The following GLI3 variants were observed in gnomAD, a reference collection of about 807,000 sequenced individuals.
GLI3 encodes the protein GLI family zinc finger 3, also known as transcription activator GLI3.
A neutral mutation model predicts 100.8 loss-of-function variants in GLI3; 20 were observed. The observed-to-expected ratio is 0.20, with a 90% CI of 0.14 to 0.29. The LOEUF (loss-of-function observed/expected upper bound fraction) is 0.29. GLI3 is among the 10% of genes least tolerant of loss of function. GLI3 has a pLI of 1.00. For missense variants in GLI3, 2,040 were observed against 2,128.5 expected (o/e 0.96, Z 0.82); for synonymous variants, 938 against 860.5 (o/e 1.09, Z -1.58).
chr7:42,079,720 T>C (rs1784959804), intron 3 of GLI3, among the ~76,000 whole-genome samples: 1 of 152,228 alleles, frequency 6.6e-6, no homozygotes, highest in Non-Finnish European at 1.5e-5. Context: ...TATTTTCACT[T>C]CTTTATTTCA....
intron 4 of GLI3, among the ~76,000 whole-genome samples, chr7:42,066,369 A>C (rs1371267793): frequency 6.6e-6 from 1 of 152,056 alleles, no homozygotes; most frequent in Non-Finnish European, 1.5e-5. Flanking sequence ...CCAACTTCCA[A>C]CTCAACTCCC....
In GLI3 at chr7:42,220,095, G is replaced by A. The variant is rs140072391; in HGVS notation, c.124+3035C>T. Among the ~76,000 whole-genome samples, 1,018 of 152,084 alleles carry A rather than the reference G, an allele frequency of 6.7e-3. 9 individuals are homozygous for A. Among genetic ancestry groups the A allele is most frequent in the African/African-American group, 0.023 (952 of 41,492 alleles). ...TCTCGATCTCCTGACCTGGTGATCC[G>A]CCCGCCTCGGCCTGCCAAAGTGCTG... On this transcript the variant is annotated intron_variant, in intron 2 of 14. Coordinates refer to ENST00000395925, the MANE Select transcript of GLI3 (RefSeq NM_000168.6).
intron 2 of GLI3, among the ~76,000 whole-genome samples, chr7:42,178,623 G>A (rs1399904430): frequency 1.3e-5 from 2 of 152,176 alleles, no homozygotes; most frequent in Non-Finnish European, 2.9e-5. Flanking sequence ...AGCTCCTACT[G>A]TGTACTGGGG....
chr7:42,096,441 A>C lies in GLI3; in HGVS notation c.368-19584T>G, dbSNP rs182243403. Among the ~76,000 whole-genome samples, 91 of 152,348 alleles carry C rather than the reference A, an allele frequency of 6.0e-4. 1 individual carries two copies. The East Asian group carries it at 0.017, about 29-fold the overall frequency. On this transcript the variant is annotated intron_variant, in intron 3 of 14. Transcript: ENST00000395925. The stretch of plus-strand genomic sequence containing the variant: ...TGATCTGGTCCCACCCCTAAACAGC[A>C]GGCTCACGGGAGAAACTTCAAACTT...
chr7:42,044,282 G>A lies in GLI3; in HGVS notation c.826+1102C>T, dbSNP rs111468724. On this transcript the variant is annotated intron_variant, in intron 6 of 14. Coordinates refer to ENST00000395925, the MANE Select transcript of GLI3 (RefSeq NM_000168.6). The stretch of plus-strand genomic sequence containing the variant: ...ACGCTAAGCAAAGGCCCTACTCAAA[G>A]TCATACTGTTGTCCTATTCAAAGGT... 6.2e-4 allele frequency among the ~76,000 whole-genome samples: 95 copies of A among 152,330 alleles called. 1 individual carries two copies. Among genetic ancestry groups the A allele is most frequent in the African/African-American group, 2.1e-3 (88 of 41,582 alleles).
chr7:42,214,128 G>A (rs1191179706), intron 2 of GLI3, among the ~76,000 whole-genome samples: 1 of 152,204 alleles, frequency 6.6e-6, no homozygotes, highest in African/African-American at 2.4e-5. Context: ...CAAGTAGTGA[G>A]GCTTTTCTCT....
intron 3 of GLI3, among the ~76,000 whole-genome samples, chr7:42,082,010 C>G (rs1315437770): frequency 2.0e-5 from 3 of 151,950 alleles, no homozygotes; most frequent in South Asian, 4.1e-4. Context: ...TAGAGTTAGT[C>G]CAGCCTGTAG....
chr7:42,116,453 A>G (rs1191319068), intron 3 of GLI3, among the ~76,000 whole-genome samples: 1 of 151,638 alleles, frequency 6.6e-6, no homozygotes, highest in Non-Finnish European at 1.5e-5. Context: ...ATTAATACCC[A>G]GAGGATCAGG....
chr7:42,179,620 G>T (rs1787550919), intron 2 of GLI3, among the ~76,000 whole-genome samples: 1 of 152,178 alleles, frequency 6.6e-6, no homozygotes, highest in Non-Finnish European at 1.5e-5. Flanking sequence ...TGAGCAGGGG[G>T]CAGATTCTGG....
intron 10 of GLI3, among the ~76,000 whole-genome samples, chr7:42,002,625 TA>T (rs1788336971): frequency 1.3e-5 from 2 of 152,226 alleles, no homozygotes; most frequent in Non-Finnish European, 2.9e-5. Context: ...ATATCATATA[TA>T]TCACATCATG....
rs759102268 is a variant in GLI3, at chr7:41,972,929, C to T, written c.1813-302G>A. 1.6e-4 allele frequency among the ~76,000 whole-genome samples: 25 copies of T among 152,184 alleles called. No individual in the cohort carries two copies. Among genetic ancestry groups the T allele is most frequent in the Middle Eastern group, 3.4e-3 (1 of 294 alleles). On this transcript the variant is annotated intron_variant, in intron 12 of 14. Coordinates refer to ENST00000395925, the MANE Select transcript of GLI3 (RefSeq NM_000168.6). The surrounding 1 kb of genome is among the most constrained non-coding windows in gnomAD (Gnocchi z 4.4). ...TTTACACTGTGAGTGAGAAGTATCA[C>T]GGTGCCATAATAGGCACTCAATAGA... is the stretch of plus-strand genomic sequence containing the variant.
At chr7:42,163,878 T>TA (rs1209452372) in intron 2 of GLI3, among the ~76,000 whole-genome samples, 1 of 152,216 alleles carries the variant, frequency 6.6e-6, no homozygotes, top group Non-Finnish European at 1.5e-5. Flanking sequence ...TTGGCCAATT[T>TA]AATGGCTTCC....
intron 3 of GLI3, among the ~76,000 whole-genome samples, chr7:42,078,271 T>C (rs1784922464): frequency 6.6e-6 from 1 of 152,268 alleles, no homozygotes; most frequent in Non-Finnish European, 1.5e-5. Context: ...TTTTCCAAAT[T>C]TTCTTCAACA....
At chr7:42,132,131 C>T (rs981773490) in intron 3 of GLI3, among the ~76,000 whole-genome samples, 27 of 151,540 alleles carry the variant, frequency 1.8e-4, no homozygotes, top group East Asian at 7.8e-4. Flanking sequence ...GATGGAGGCT[C>T]GCTCTGTCGC....
chr7:42,091,263 AAGCTGCTAAC>A (rs1322501411), intron 3 of GLI3, among the ~76,000 whole-genome samples: 1 of 152,222 alleles, frequency 6.6e-6, no homozygotes, highest in East Asian at 1.9e-4. Context: ...CAAAAGCTAA[AAGCTGCTAAC>A]AGACATTGTC....
chr7:42,145,279 G>C (rs780701456), intron 3 of GLI3: 5 of 297,348 alleles, frequency 1.7e-5, no homozygotes, highest in Non-Finnish European at 2.4e-5. Flanking sequence ...CTTAGTTTAG[G>C]ATGTCTTTAA....
Position 41,972,117 on chromosome 7 carries a change from G to A in GLI3, c.2103+220C>T, listed in dbSNP as rs1227264386. On this transcript the variant is annotated intron_variant, in intron 13 of 14. Transcript: ENST00000395925. This position sits in a 1 kb window ranked among gnomAD's most constrained non-coding sequence, Gnocchi z 4.4. Reference sequence around the variant, plus strand: ...TCTTCCTTCCATGGCACAGTGGTATGGTTCTGGGAGGGATTTTAAAAATCA... The same window carrying A: ...TCTTCCTTCCATGGCACAGTGGTATAGTTCTGGGAGGGATTTTAAAAATCA... 6.6e-6 allele frequency among the ~76,000 whole-genome samples: 1 copy of A among 152,170 alleles called. No individual in the cohort carries two copies. The highest frequency in any genetic ancestry group is 2.4e-5 in the African/African-American group (1 of 41,448).
At chr7:42,079,025 G>C (rs560644791) in intron 3 of GLI3, among the ~76,000 whole-genome samples, 1 of 152,038 alleles carries the variant, frequency 6.6e-6, no homozygotes, top group African/African-American at 2.4e-5. Flanking sequence ...CACCGCGCCC[G>C]GCCTCATTTA....
chr7:42,055,038 T>C (rs1185388821), intron 4 of GLI3, among the ~76,000 whole-genome samples: 1 of 136,470 alleles, frequency 7.3e-6, no homozygotes, highest in East Asian at 2.1e-4. Context: ...CATATATGTA[T>C]ACATATATAT....
Sources: allele counts gnomAD v4.1 joint callset (sites outside exome capture counted in the v4.1 genomes callset), GRCh38; gene constraint gnomAD v4.1.1; non-coding constraint Gnocchi (gnomAD v3.1); transcripts MANE v1.5; gene names NCBI Gene and HGNC (gene_info 2026-07-23, HGNC 2026-07-21).